SCAPER: variants seen among roughly 807,000 people sequenced by gnomAD.
SCAPER encodes S-phase cyclin A associated protein in the ER.
Under a neutral mutation model 182.2 loss-of-function variants are expected in SCAPER, and 98 were observed. The observed-to-expected ratio is 0.54, with a 90% confidence interval of 0.46 to 0.64. SCAPER has a LOEUF of 0.64. SCAPER is among the 30% of genes least tolerant of loss of function. SCAPER has a pLI of 0.00. For synonymous variants in SCAPER, 605 were observed against 564.6 expected, an observed-to-expected ratio of 1.07 and a Z score of -1.01; for missense variants, 1,432 against 1,690.0, an observed-to-expected ratio of 0.85 and a Z score of 2.68.
chr15:76,767,567 T>C (rs1358021577), intron 10 of SCAPER, among the ~76,000 whole-genome samples: 1 of 152,082 alleles, frequency 6.6e-6, no homozygotes, highest in Non-Finnish European at 1.5e-5. Flanking sequence ...AAAATATACA[T>C]GAGATTCATT....
chr15:76,461,157 A>G (rs190126764), intron 25 of SCAPER, among the ~76,000 whole-genome samples: 92 of 152,204 alleles, frequency 6.0e-4, no homozygotes, highest in African/African-American at 2.2e-3. Flanking sequence ...GATGGTGGTT[A>G]TGCACTTTTG....
At chr15:76,534,191 G>A (rs548438752) in intron 23 of SCAPER, among the ~76,000 whole-genome samples, 29 of 152,268 alleles carry the variant, frequency 1.9e-4, no homozygotes, top group East Asian at 7.7e-4. Context: ...GATAAACACC[G>A]TCTGTCTACA....
intron 5 of SCAPER, among the ~76,000 whole-genome samples, chr15:76,841,085 C>A (rs2069430748): frequency 6.6e-6 from 1 of 152,122 alleles, no homozygotes; most frequent in Non-Finnish European, 1.5e-5. Context: ...ACGGAGAATA[C>A]AGATAAGAAG....
At chr15:76,859,730 T>G (rs567175971) in intron 3 of SCAPER, among the ~76,000 whole-genome samples, 1 of 152,142 alleles carries the variant, frequency 6.6e-6, no homozygotes, top group East Asian at 1.9e-4. Context: ...GGGTTTTGTT[T>G]TGTTTTGTTT....
At chr15:76,605,117 G>A (rs552800712) in intron 22 of SCAPER, among the ~76,000 whole-genome samples, 1 of 152,306 alleles carries the variant, frequency 6.6e-6, no homozygotes, top group South Asian at 2.1e-4. Flanking sequence ...CAAAGGGAAT[G>A]CTTCCAGTTT....
At chr15:76,678,476 C>T (rs538220904) in intron 20 of SCAPER, among the ~76,000 whole-genome samples, 3 of 151,938 alleles carry the variant, frequency 2.0e-5, no homozygotes, top group Non-Finnish European at 2.9e-5. Context: ...CTGCCCAGCA[C>T]GACAACAAAT....
chr15:76,699,889 G>A (rs940157099), intron 20 of SCAPER, among the ~76,000 whole-genome samples: 3 of 152,166 alleles, frequency 2.0e-5, no homozygotes, highest in Non-Finnish European at 2.9e-5. Flanking sequence ...CAATGGCAAC[G>A]GAGTCCATAC....
intron 2 of SCAPER, among the ~76,000 whole-genome samples, chr15:76,872,040 G>A (rs1260876633): frequency 6.6e-6 from 1 of 151,962 alleles, no homozygotes; most frequent in Non-Finnish European, 1.5e-5. Context: ...TATTCTAGAA[G>A]AGAAATAAAA....
At chr15:76,370,380 C>A (rs1011411336) in intron 29 of SCAPER, among the ~76,000 whole-genome samples, 1 of 146,454 alleles carries the variant, frequency 6.8e-6, no homozygotes, top group South Asian at 2.1e-4. Context: ...TCTCGGCTCA[C>A]TGCAACCTCT....
In SCAPER at chr15:76,354,601, C is replaced by T. The variant is rs184585158; in HGVS notation, c.3856-461G>A. 472 of 153,006 alleles carry T rather than the reference C, an allele frequency of 3.1e-3. 5 individuals are homozygous for T. Among genetic ancestry groups the T allele is most frequent in the Non-Finnish European group, 4.3e-3 (295 of 68,532 alleles). The allele number at this position is 153,006 out of a possible 1,614,324, so 9.5% of individuals were successfully genotyped here. A position where few individuals can be genotyped will look rare whatever the true frequency, so the allele number is the denominator to read the frequency against. Reference sequence around the variant, plus strand: ...TACACTCAATGCAGACAGATCTATTCTGTATGCAGGCAGGTCCAAGAAAGA... The same window carrying T: ...TACACTCAATGCAGACAGATCTATTTTGTATGCAGGCAGGTCCAAGAAAGA... On this transcript the variant is annotated intron_variant, in intron 29 of 31. Transcript: ENST00000563290. The surrounding 1 kb of genome is among the most constrained non-coding windows in gnomAD (Gnocchi z 4.4).
At chr15:76,644,963 C>G (rs554869725) in intron 21 of SCAPER, among the ~76,000 whole-genome samples, 2 of 152,012 alleles carry the variant, frequency 1.3e-5, no homozygotes, top group South Asian at 4.2e-4. Flanking sequence ...ACCATAGGTT[C>G]CGTATCCACA....
At chr15:76,372,026 C>CT (rs949489734) in intron 29 of SCAPER, among the ~76,000 whole-genome samples, 37 of 149,750 alleles carry the variant, frequency 2.5e-4, no homozygotes, top group East Asian at 1.9e-3. Flanking sequence ...ACTTCTCTAC[C>CT]TTTTTTTTTT....
intron 26 of SCAPER, among the ~76,000 whole-genome samples, chr15:76,420,227 GT>G (rs2045931371): frequency 7.5e-6 from 1 of 132,580 alleles, no homozygotes; most frequent in South Asian, 2.5e-4. Context: ...CTCTATAGAT[GT>G]TTTTTCCTTT....
chr15:76,482,545 G>C (rs1361693997), intron 24 of SCAPER, among the ~76,000 whole-genome samples: 4 of 152,128 alleles, frequency 2.6e-5, no homozygotes, highest in Non-Finnish European at 5.9e-5. Context: ...CATAGATTGG[G>C]AAGGAAGAAG....
intron 24 of SCAPER, among the ~76,000 whole-genome samples, chr15:76,483,411 A>T (rs1159573286): frequency 6.6e-6 from 1 of 152,126 alleles, no homozygotes; most frequent in Non-Finnish European, 1.5e-5. Context: ...GAGAATACAA[A>T]GGAGAAACTC....
At chr15:76,783,542 C>A (rs2064327809) in intron 8 of SCAPER, among the ~76,000 whole-genome samples, 1 of 152,144 alleles carries the variant, frequency 6.6e-6, no homozygotes, top group Non-Finnish European at 1.5e-5. Flanking sequence ...ATGAGGCCAG[C>A]ATCATCCAGA....
chr15:76,486,515 A>T (rs965973159), intron 24 of SCAPER, among the ~76,000 whole-genome samples: 7 of 42,426 alleles, frequency 1.6e-4, no homozygotes, highest in South Asian at 9.9e-4. Flanking sequence ...ATTTATAATA[A>T]AAAAAAAACC....
At chr15:76,539,178 A>G (rs946116451) in intron 23 of SCAPER, among the ~76,000 whole-genome samples, 20 of 152,218 alleles carry the variant, frequency 1.3e-4, no homozygotes, top group African/African-American at 4.8e-4. Context: ...AAAAACAAGT[A>G]AAAGGACTAA....
chr15:76,576,022 A>C (rs999198175), intron 22 of SCAPER, among the ~76,000 whole-genome samples: 1 of 152,200 alleles, frequency 6.6e-6, no homozygotes, highest in African/African-American at 2.4e-5. Context: ...TTAGATATTT[A>C]ATAAATTCAT....
Sources: allele counts gnomAD v4.1 joint callset (sites outside exome capture counted in the v4.1 genomes callset), GRCh38; gene constraint gnomAD v4.1.1; non-coding constraint Gnocchi (gnomAD v3.1); transcripts MANE v1.5; gene names NCBI Gene and HGNC (gene_info 2026-07-23, HGNC 2026-07-21).